Variants in ALK observed in about 807,000 individuals in gnomAD.
ALK encodes ALK receptor tyrosine kinase.
ALK carries 74 observed loss-of-function variants against 163.1 expected under a neutral mutation model. The observed-to-expected ratio is 0.45, with a 90% CI of 0.38 to 0.55. The LOEUF is 0.55. Ranked by LOEUF, ALK falls within the 20% of genes least tolerant of loss-of-function variation. ALK has a pLI of 0.00. For missense variants in ALK, 2,063 were observed against 2,105.3 expected (o/e 0.98, Z 0.39); for synonymous variants, 960 against 843.2 (o/e 1.14, Z -2.40).
chr2:29,917,188 G>A (rs1278749794), intron 1 of ALK, among the ~76,000 whole-genome samples: 1 of 152,084 alleles, frequency 6.6e-6, no homozygotes, highest in African/African-American at 2.4e-5. Flanking sequence ...GAGCCAAATG[G>A]GCTGCTCCAG....
At chr2:29,813,195 C>A (rs1664800708) in intron 1 of ALK, among the ~76,000 whole-genome samples, 1 of 152,206 alleles carries the variant, frequency 6.6e-6, no homozygotes, top group Non-Finnish European at 1.5e-5. Context: ...ACATTCATGC[C>A]TTTCTCCAGC....
At chr2:29,214,140 C>G (rs1000461498) in intron 23 of ALK, 59 bp from the exon 24 acceptor site, 18 of 1,451,720 alleles carry the variant, frequency 1.2e-5, no homozygotes, top group Non-Finnish European at 1.7e-5. Flanking sequence ...GGAGGGAAAT[C>G]TGAAATGCTG....
At chr2:29,667,682 T>A (rs1253432081) in intron 3 of ALK, among the ~76,000 whole-genome samples, 1 of 152,144 alleles carries the variant, frequency 6.6e-6, no homozygotes, top group Non-Finnish European at 1.5e-5. Context: ...ATTGTTGAAT[T>A]AGATTTGCCT....
At chr2:29,745,502 T>G (rs912808921) in intron 1 of ALK, among the ~76,000 whole-genome samples, 1 of 152,182 alleles carries the variant, frequency 6.6e-6, no homozygotes, top group African/African-American at 2.4e-5. Context: ...CTTGTACAGA[T>G]GAGAAGAAAG....
chr2:29,340,770 T>TTCC (rs1278695511), intron 5 of ALK, among the ~76,000 whole-genome samples: 2 of 152,232 alleles, frequency 1.3e-5, no homozygotes, highest in Non-Finnish European at 2.9e-5. Flanking sequence ...CATAAGAGGC[T>TTCC]TCCACACCTC....
At chr2:29,430,146 A>T (rs1022201084) in intron 4 of ALK, among the ~76,000 whole-genome samples, 2 of 152,172 alleles carry the variant, frequency 1.3e-5, no homozygotes, top group African/African-American at 4.8e-5. Context: ...TTGGCAATGG[A>T]TTCTTAGATA....
intron 1 of ALK, among the ~76,000 whole-genome samples, chr2:29,779,927 T>C (rs12466952): frequency 0.84 from 128,394 of 152,132 alleles, 56,105 homozygotes; most frequent in Non-Finnish European, 0.95. Context: ...AGGGAACAAA[T>C]GTATTACTTC....
intron 4 of ALK, among the ~76,000 whole-genome samples, chr2:29,430,176 CA>C (rs1353871108): frequency 2.6e-5 from 4 of 152,070 alleles, no homozygotes; most frequent in South Asian, 2.1e-4. Flanking sequence ...AAAGCATAAG[CA>C]GCAATAAAAA....
chr2:29,314,703 C>A (rs996357641), intron 8 of ALK, among the ~76,000 whole-genome samples: 1 of 152,150 alleles, frequency 6.6e-6, no homozygotes. Context: ...TCCACTTTTT[C>A]TCCTTGCAGG....
intron 1 of ALK, among the ~76,000 whole-genome samples, chr2:29,719,314 G>A (rs1207541043): frequency 2.6e-5 from 4 of 152,208 alleles, no homozygotes; most frequent in Admixed American, 2.6e-4. Flanking sequence ...ATTTGTGCCA[G>A]GTACATCTTT....
At chr2:29,774,110 G>C (rs940675735) in intron 1 of ALK, among the ~76,000 whole-genome samples, 3 of 152,172 alleles carry the variant, frequency 2.0e-5, no homozygotes, top group Non-Finnish European at 2.9e-5. Context: ...GTCCAGGTTG[G>C]CATTTATATA....
intron 1 of ALK, among the ~76,000 whole-genome samples, chr2:29,894,426 C>A (rs986024608): frequency 1.3e-5 from 2 of 152,066 alleles, no homozygotes; most frequent in African/African-American, 4.8e-5. Context: ...CTATCCCCCA[C>A]GTGGCATTGC....
At chr2:29,807,874 G>C (rs778068822) in intron 1 of ALK, among the ~76,000 whole-genome samples, 1 of 152,160 alleles carries the variant, frequency 6.6e-6, no homozygotes, top group Non-Finnish European at 1.5e-5. Flanking sequence ...ATTGTGAGAA[G>C]GTGATGTCTG....
chr2:29,699,530 T>G (rs998514412), intron 2 of ALK, among the ~76,000 whole-genome samples: 5 of 152,202 alleles, frequency 3.3e-5, no homozygotes, highest in Non-Finnish European at 5.9e-5. Context: ...ACACAATAGA[T>G]GAGAAACCAA....
chr2:29,739,945 A>G (rs756178613), intron 1 of ALK, among the ~76,000 whole-genome samples: 7 of 152,116 alleles, frequency 4.6e-5, no homozygotes, highest in Non-Finnish European at 1.0e-4. Flanking sequence ...AATGTGGATA[A>G]AATGCCAAAA....
At chr2:29,698,616 A>C (rs1048286531) in intron 2 of ALK, among the ~76,000 whole-genome samples, 1 of 152,200 alleles carries the variant, frequency 6.6e-6, no homozygotes, top group Non-Finnish European at 1.5e-5. Flanking sequence ...TGTGCCCTAC[A>C]TGTGTATACA....
chr2:29,717,005 A>C (rs1346582977), intron 2 of ALK, among the ~76,000 whole-genome samples: 33 of 145,328 alleles, frequency 2.3e-4, no homozygotes, highest in South Asian at 6.5e-4. Context: ...CCAAAAAAAA[A>C]AAAAAAAAAA....
At chr2:29,796,976 A>G (rs1664329050) in intron 1 of ALK, among the ~76,000 whole-genome samples, 1 of 151,170 alleles carries the variant, frequency 6.6e-6, no homozygotes, top group Non-Finnish European at 1.5e-5. Flanking sequence ...ATACATACAT[A>G]CATACACATA....
intron 3 of ALK, among the ~76,000 whole-genome samples, chr2:29,602,093 C>A (rs139637073): frequency 2.5e-4 from 38 of 152,260 alleles, no homozygotes; most frequent in African/African-American, 8.9e-4. Context: ...ACTGAGGCAA[C>A]GGAAAGCTGA....
Sources: gnomAD v4.1 joint callset for allele counts (sites outside exome capture counted in the v4.1 genomes callset) on GRCh38, gnomAD v4.1.1 for gene constraint, MANE v1.5 for transcripts, NCBI Gene and HGNC (gene_info 2026-07-23, HGNC 2026-07-21) for gene names.